Variants in SH3TC2 observed in about 807,000 individuals in gnomAD.
The protein encoded by SH3TC2 is SH3 domain and tetratricopeptide repeats 2.
SH3TC2 carries 87 observed loss-of-function variants against 124.5 expected under a neutral mutation model. The ratio of observed to expected loss-of-function variants is 0.70; its 90% CI spans 0.59 to 0.84. SH3TC2 has a LOEUF of 0.84. Among genes scored for constraint, SH3TC2 ranks in the 40% least tolerant of loss-of-function variants. SH3TC2 has a pLI of 0.00. For synonymous variants in SH3TC2, 634 were observed against 628.5 expected (o/e 1.01, Z -0.13); for missense variants, 1,536 against 1,566.4 (o/e 0.98, Z 0.33).
rs553892817 is a variant in SH3TC2 at position 148,994,492 on chromosome 5, A to G, written c.*10219T>C. ...GCCCATAGGACTTATGAAGACAGGGACTGTCATTATCTTGCTCACTGGATT... is the reference window on the plus strand; with the variant it reads ...GCCCATAGGACTTATGAAGACAGGGGCTGTCATTATCTTGCTCACTGGATT... On this transcript the variant is annotated 3_prime_UTR_variant, in exon 17 of 17. Coordinates refer to ENST00000515425, the MANE Select transcript of SH3TC2 (RefSeq NM_024577.4). 6.6e-5 allele frequency among the ~76,000 whole-genome samples: 10 copies of G among 152,342 alleles called. No individual in the cohort carries two copies. Among genetic ancestry groups the G allele is most frequent in the Admixed American group, 2.6e-4 (4 of 15,306 alleles).
intron 1 of SH3TC2, chr5:149,062,300 A>G (rs374129364): frequency 1.3e-5 from 7 of 527,266 alleles, no homozygotes; most frequent in African/African-American, 1.2e-4. Context: ...CTCCTCTGAA[A>G]AAAAGCAAGA....
At chr5:149,053,708 G>A (rs966529532) in intron 1 of SH3TC2, among the ~76,000 whole-genome samples, 2 of 152,156 alleles carry the variant, frequency 1.3e-5, no homozygotes, top group East Asian at 1.9e-4. Flanking sequence ...TGTCCACTTT[G>A]TGAGTTTTCA....
intron 7 of SH3TC2, 38 bp downstream of exon 7, chr5:149,040,566 A>G: frequency 3.8e-6 from 6 of 1,569,178 alleles, no homozygotes; most frequent in Non-Finnish European, 5.3e-6. Flanking sequence ...GGACAACATT[A>G]TCTCCCTAAC....
At position 148,991,255 on chromosome 5, in the gene SH3TC2, C is replaced by G. The variant is rs1396266407; in HGVS notation, c.*13456G>C. 6.6e-6 allele frequency among the ~76,000 whole-genome samples: 1 copy of G among 152,214 alleles called. No homozygotes were observed. Among genetic ancestry groups the G allele is most frequent in the East Asian group, 1.9e-4 (1 of 5,196 alleles). On this transcript the variant is annotated 3_prime_UTR_variant, in exon 17 of 17. Coordinates refer to ENST00000515425, the MANE Select transcript of SH3TC2 (RefSeq NM_024577.4). ...CACATTGGATGTGAGAGTGAATATA[C>G]TGCAAGAATGTACTTCCTGCAGCTG...
intron 3 of SH3TC2, chr5:149,046,727 A>G (rs1044047174): frequency 2.6e-5 from 4 of 152,192 alleles, no homozygotes; most frequent in African/African-American, 9.7e-5. Flanking sequence ...AGCTCTCTCA[A>G]TCAACCCTGC....
intron 11 of SH3TC2, 51 bp from the exon 12 acceptor site, chr5:149,026,803 T>A (rs1264841580): frequency 6.2e-7 from 1 of 1,614,168 alleles, no homozygotes; most frequent in Admixed American, 1.7e-5. Context: ...AGGAAATGGA[T>A]AAAACTTGAT....
intron 4 of SH3TC2, 21 bp downstream of exon 4, chr5:149,044,512 C>T (rs775772211): frequency 1.3e-6 from 2 of 1,599,618 alleles, no homozygotes; most frequent in Non-Finnish European, 1.7e-6. Context: ...TCATCCTCCA[C>T]CTGCTTGCCT....
intron 15 of SH3TC2, chr5:149,007,866 GA>G (rs756127529): frequency 6.6e-6 from 1 of 152,482 alleles, no homozygotes; most frequent in Non-Finnish European, 1.5e-5. Context: ...CTAAGAGAGA[GA>G]AAATTCTCTG....
rs753055027 is a variant in SH3TC2, at chr5:149,027,904, T to G, written c.1828A>C (p.Lys610Gln). Residue 610 changes from lysine to glutamine, a missense_variant, in exon 11 of 17, where the codon AAG becomes CAG. Physicochemically the swap from Lys to Gln is moderately conservative, Grantham distance 53. Coordinates refer to ENST00000515425, the MANE Select transcript of SH3TC2 (RefSeq NM_024577.4). ...ACLPDRESSA[K>Q]HELDVVAYVL... ...TAGGCCACCACGTCGAGTTCATGCT[T>G]GGCACTAGACTCACGGTCAGGCAGG... The G allele has an allele frequency of 6.2e-7, 1 of 1,614,030 alleles. No homozygotes were observed. Among genetic ancestry groups the G allele is most frequent in the Admixed American group, 1.7e-5 (1 of 60,026 alleles).
chr5:149,016,981 T>C (rs947827239), intron 12 of SH3TC2, among the ~76,000 whole-genome samples: 1 of 152,078 alleles, frequency 6.6e-6, no homozygotes, highest in Non-Finnish European at 1.5e-5. Context: ...AGGCTACTGT[T>C]GTATTCACAT....
chr5:149,021,888 T>C lies in SH3TC2; in HGVS notation c.3053+4684A>G, dbSNP rs1057504946. On this transcript the variant is annotated intron_variant, in intron 12 of 16. Coordinates refer to ENST00000515425, the MANE Select transcript of SH3TC2 (RefSeq NM_024577.4). The stretch of plus-strand genomic sequence containing the variant: ...CCAATCCTTCACAAACTCTTTCTTT[T>C]TTTTTTTTTTTTTTTTTTTTTTTTT... Among the ~76,000 whole-genome samples, 3 of 9,658 alleles carry C rather than the reference T, an allele frequency of 3.1e-4. 1 individual carries two copies. Among genetic ancestry groups the C allele is most frequent in the African/African-American group, 1.8e-3 (2 of 1,106 alleles). The allele number at this position is 9,658 out of a possible 152,430, so 6.3% of individuals were successfully genotyped here. A position where few individuals can be genotyped will look rare whatever the true frequency, so the allele number is the denominator to read the frequency against.
At chr5:149,041,825 G>A (rs1754376764) in intron 5 of SH3TC2, among the ~76,000 whole-genome samples, 1 of 152,170 alleles carries the variant, frequency 6.6e-6, no homozygotes, top group Non-Finnish European at 1.5e-5. Context: ...AGGGAATTCA[G>A]TTAAAACAGA....
At chr5:149,025,355 T>C (rs1037477789) in intron 12 of SH3TC2, among the ~76,000 whole-genome samples, 1 of 152,222 alleles carries the variant, frequency 6.6e-6, no homozygotes, top group African/African-American at 2.4e-5. Flanking sequence ...GAATTCATTA[T>C]CTGATTATTC....
intron 2 of SH3TC2, 168 bp from the exon 3 acceptor site, chr5:149,048,157 T>A (rs1177861774): frequency 1.1e-6 from 1 of 897,084 alleles, no homozygotes; most frequent in Non-Finnish European, 1.7e-6. Context: ...CTCCTTTAAA[T>A]GGTCCTCCCT....
At position 149,027,341 on chromosome 5, in the gene SH3TC2, C is replaced by T. The variant is rs1451850131; in HGVS notation, c.2391G>A (p.Glu797=). 6.2e-7 allele frequency: 1 copy of T among 1,614,030 alleles called. No individual in the cohort carries two copies. Among genetic ancestry groups the T allele is most frequent in the East Asian group, 2.2e-5 (1 of 44,878 alleles). Residue 797 remains glutamate, a synonymous_variant, in exon 11 of 17, where the codon GAG becomes GAA. Transcript: ENST00000515425. ...AGGCCCATGCCAGGCAGAGAGAAGA[C>T]TCAAAGGATTCCTGCTCACCCAGCA... The part of the protein sequence containing the change: ...GQLLGEQESF[E]SSLCLAWAYL...
In SH3TC2 at chr5:149,054,300, A is replaced by G. The variant is rs1207940951; in HGVS notation, c.53-2060T>C. 2.6e-5 allele frequency among the ~76,000 whole-genome samples: 4 copies of G among 152,182 alleles called. No individual in the cohort carries two copies. The East Asian group carries it at 5.8e-4, about 22-fold the overall frequency. ...TTTTTTTTAATAATAAGTTCTTCAA[A>G]TGATTCTAATTTGAGCCAGTGTTGA... On this transcript the variant is annotated intron_variant, in intron 1 of 16. Coordinates refer to ENST00000515425, the MANE Select transcript of SH3TC2 (RefSeq NM_024577.4).
In SH3TC2 at chr5:149,052,297, T is replaced by C. The variant is rs1741946461; in HGVS notation, c.53-57A>G. Reference sequence around the variant, plus strand: ...GAGTGTAAGGAAGTTGAAAGCAAGTTATAAGCAAGGCTGTAGTTTTGGTCA... The same window carrying C: ...GAGTGTAAGGAAGTTGAAAGCAAGTCATAAGCAAGGCTGTAGTTTTGGTCA... On this transcript the variant is annotated intron_variant, in intron 1 of 16. Transcript: ENST00000515425. The C allele has an allele frequency of 2.2e-6, 3 of 1,351,680 alleles. No homozygotes were observed. The African/African-American group carries it at 4.3e-5, about 19-fold the overall frequency. The allele number at this position is 1,351,680 out of a possible 1,614,324, so 83.7% of individuals were successfully genotyped here. A position where few individuals can be genotyped will look rare whatever the true frequency, so the allele number is the denominator to read the frequency against.
intron 8 of SH3TC2, among the ~76,000 whole-genome samples, chr5:149,032,096 T>A (rs1469595715): frequency 1.3e-5 from 2 of 152,200 alleles, no homozygotes; most frequent in Non-Finnish European, 2.9e-5. Flanking sequence ...AAAAATTTTA[T>A]TTGTCCTTAG....
chr5:149,007,183 A>G, intron 15 of SH3TC2, 106 bp from the exon 16 acceptor site: 2 of 1,037,374 alleles, frequency 1.9e-6, no homozygotes, highest in Non-Finnish European at 1.5e-6. Flanking sequence ...GATGTCAGGG[A>G]CTGTGCTGGG....
Sources: allele counts gnomAD v4.1 joint callset (sites outside exome capture counted in the v4.1 genomes callset), GRCh38; gene constraint gnomAD v4.1.1; transcripts MANE v1.5; gene names NCBI Gene and HGNC (gene_info 2026-07-23, HGNC 2026-07-21).